Variants in AFM observed in about 807,000 individuals in gnomAD.
AFM encodes the protein afamin.
AFM carries 82 observed loss-of-function variants against 68.7 expected under a neutral mutation model. That is an observed-to-expected ratio of 1.19 (90% confidence interval 1.00 to 1.43). The LOEUF is 1.43. Ranked by LOEUF, AFM falls within the 40% of genes most tolerant of loss-of-function variation. AFM has a pLI of 0.00. For missense variants in AFM, 772 were observed against 701.8 expected (o/e 1.10, Z -1.13); for synonymous variants, 250 against 234.2 (o/e 1.07, Z -0.61).
intron 4 of AFM, 86 bp from the exon 5 acceptor site, chr4:73,486,881 C>G: frequency 7.4e-7 from 1 of 1,343,340 alleles, no homozygotes; most frequent in African/African-American, 1.5e-5. Flanking sequence ...CCCTCCCTTC[C>G]CTTCCCTTCC....
chr4:73,499,023 C>T (rs1265812246), intron 10 of AFM, 91 bp from the exon 11 acceptor site: 2 of 1,378,206 alleles, frequency 1.5e-6, no homozygotes, highest in Non-Finnish European at 2.0e-6. Flanking sequence ...TTGGTTGTCG[C>T]TAGCCTTGAA....
In AFM at chr4:73,488,657, C is replaced by T. The variant is rs1419328634; in HGVS notation, c.741C>T (p.Phe247=). 6.2e-7 allele frequency: 1 copy of T among 1,611,158 alleles called. No homozygotes were observed. The highest frequency in any genetic ancestry group is 2.2e-5 in the East Asian group (1 of 44,796). ...ATATTGCGATACTCAGTCAAAAATT[C>T]CCCAAGATTGAATTTAAGGAGCTTA... ...FIYIAILSQK[F]PKIEFKELIS... is the part of the protein sequence containing the mutation. Residue 247 remains phenylalanine (F), a synonymous_variant, in exon 7 of 15, where the codon TTC becomes TTT. Transcript: ENST00000226355.
intron 13 of AFM, among the ~76,000 whole-genome samples, chr4:73,502,125 C>T (rs569744330): frequency 3.3e-5 from 5 of 152,278 alleles, no homozygotes; most frequent in Admixed American, 1.3e-4. Context: ...GTCGGAAGAC[C>T]TGGGTTGTAA....
intron 5 of AFM, 70 bp downstream of exon 5, chr4:73,487,169 A>G: frequency 6.6e-7 from 1 of 1,520,196 alleles, no homozygotes; most frequent in Non-Finnish European, 9.0e-7. Context: ...ACCCTGACTT[A>G]TATTATAGCA....
chr4:73,483,874 T>C, intron 1 of AFM, 67 bp from the exon 2 acceptor site: 1 of 1,309,914 alleles, frequency 7.6e-7, no homozygotes, highest in South Asian at 1.4e-5. Context: ...ATGCCATGTA[T>C]AGTTATTTAT....
chr4:73,486,394 G>C (rs935194669), intron 4 of AFM, among the ~76,000 whole-genome samples: 1 of 152,178 alleles, frequency 6.6e-6, no homozygotes, highest in Admixed American at 6.5e-5. Context: ...AGGGGAAGTT[G>C]CTGTTTTCAC....
Position 73,486,089 on chromosome 4 carries a change from G to GT in AFM, c.482+17dup, listed in dbSNP as rs746190938. 1 of 1,595,606 alleles carries GT rather than the reference G, an allele frequency of 6.3e-7. No individual in the cohort carries two copies. Among genetic ancestry groups the GT allele is most frequent in the Admixed American group, 1.7e-5 (1 of 59,364 alleles). On this transcript the variant is annotated intron_variant, in intron 4 of 14. Transcript: ENST00000226355. ...TTTTAAATCAGTAAGTTTAATCTTA[G>GT]TAAAAAATGATCCAGTTGAAGAATT...
At position 73,488,777 on chromosome 4, in the gene AFM, C is replaced by G. The variant is rs182120322; in HGVS notation, c.843+18C>G. On this transcript the variant is annotated intron_variant, in intron 7 of 14. Transcript: ENST00000226355. ...GTGACACGGTGAATATTCTCTAAAA[C>G]CAAGTTAAAATAGTGATTTTTGGCA... The G allele has an allele frequency of 6.3e-7, 1 of 1,593,870 alleles. No individual in the cohort carries two copies. Among genetic ancestry groups the G allele is most frequent in the Non-Finnish European group, 8.5e-7 (1 of 1,173,808 alleles).
intron 8 of AFM, among the ~76,000 whole-genome samples, chr4:73,493,581 C>T (rs1241538494): frequency 2.0e-5 from 3 of 152,136 alleles, no homozygotes; most frequent in Non-Finnish European, 4.4e-5. Flanking sequence ...TACTAACCAA[C>T]CAAATTTTAA....
rs1354197201 is a variant in AFM, at chr4:73,487,001, G to C, written c.517G>C (p.Val173Leu). 6.2e-7 allele frequency: 1 copy of C among 1,613,276 alleles called. No homozygotes were observed. The highest frequency in any genetic ancestry group is 2.2e-5 in the East Asian group (1 of 44,836). The part of the protein sequence containing the change: ...LYEVARRNPF[V>L]FAPTLLTVAV... Reference sequence around the variant, plus strand: ...TGAAGTTGCCAGAAGGAACCCATTTGTCTTCGCCCCTACACTTCTAACTGT... The same window carrying C: ...TGAAGTTGCCAGAAGGAACCCATTTCTCTTCGCCCCTACACTTCTAACTGT... The change falls in exon 5 of 15, where the codon GTC (valine) becomes CTC (leucine). Residue 173 changes from valine (V) to leucine (L), a missense_variant. By Grantham distance (32) the Val-to-Leu change is conservative. Transcript: ENST00000226355.
chr4:73,500,642 C>A (rs994155724), intron 12 of AFM, among the ~76,000 whole-genome samples: 6 of 152,116 alleles, frequency 3.9e-5, no homozygotes, highest in African/African-American at 1.4e-4. Flanking sequence ...GAAATTAGAC[C>A]TAGTTTTTTG....
At chr4:73,482,285 C>T (rs573660668) in intron 1 of AFM, among the ~76,000 whole-genome samples, 59 of 152,368 alleles carry the variant, frequency 3.9e-4, no homozygotes, top group Admixed American at 2.9e-3. Flanking sequence ...CCTAGTTCCT[C>T]CTTCAACTGT....
chr4:73,494,528 T>C (rs1192347720), intron 8 of AFM, among the ~76,000 whole-genome samples: 1 of 152,154 alleles, frequency 6.6e-6, no homozygotes, highest in East Asian at 1.9e-4. Flanking sequence ...TTTTATATCT[T>C]CCATTGATAG....
chr4:73,492,740 G>A (rs1488559039), intron 8 of AFM, among the ~76,000 whole-genome samples: 6 of 147,158 alleles, frequency 4.1e-5, no homozygotes, highest in African/African-American at 1.5e-4. Context: ...AGGTTGCCGT[G>A]AGCCGAGATC....
chr4:73,501,950 A>C (rs760812387), intron 13 of AFM, 31 bp downstream of exon 13: 5 of 1,606,558 alleles, frequency 3.1e-6, no homozygotes, highest in Non-Finnish European at 4.3e-6. Context: ...CTGAAATTCA[A>C]CTGGTTTTCC....
At chr4:73,485,835 A>G in intron 3 of AFM, 27 bp from the exon 4 acceptor site, 1 of 1,585,762 alleles carries the variant, frequency 6.3e-7, no homozygotes, top group Non-Finnish European at 8.7e-7. Context: ...ATGACTAAAA[A>G]TTGTCCTTTT....
intron 1 of AFM, among the ~76,000 whole-genome samples, chr4:73,483,715 G>A (rs1720776582): frequency 6.6e-6 from 1 of 152,132 alleles, no homozygotes; most frequent in Non-Finnish European, 1.5e-5. Flanking sequence ...GATTTATTTA[G>A]GTCAATTCAA....
In AFM at chr4:73,495,298, A is replaced by G. The variant is rs1488557128; in HGVS notation, c.1059-2A>G. 8 of 1,573,572 alleles carry G rather than the reference A, an allele frequency of 5.1e-6. No individual in the cohort carries two copies. The highest frequency in any genetic ancestry group is 6.8e-6 in the Non-Finnish European group (8 of 1,167,904). ...TAATATACAAAATTTTACACATTGCAGGTTTACTTTTGAATACTCAAGGAG... is the reference window on the plus strand; with the variant it reads ...TAATATACAAAATTTTACACATTGCGGGTTTACTTTTGAATACTCAAGGAG... On this transcript the variant is annotated splice_acceptor_variant, in intron 8 of 14. Transcript: ENST00000226355. LOFTEE classifies it high-confidence loss of function.
chr4:73,484,145 C>A (rs954978111), intron 2 of AFM, 113 bp from the exon 3 acceptor site: 14 of 1,436,230 alleles, frequency 9.7e-6, no homozygotes, highest in Non-Finnish European at 1.3e-5. Context: ...AAATTTATAG[C>A]CATTACAATA....
Sources: allele counts gnomAD v4.1 joint callset (sites outside exome capture counted in the v4.1 genomes callset), GRCh38; gene constraint gnomAD v4.1.1; transcripts MANE v1.5; gene names NCBI Gene and HGNC (gene_info 2026-07-23, HGNC 2026-07-21).